Variants in CDH23 observed in about 807,000 individuals in gnomAD.
CDH23 encodes the protein cadherin related 23.
Under a neutral mutation model 317.1 loss-of-function variants are expected in CDH23, and 189 were observed. That is an observed-to-expected ratio of 0.60 (90% confidence interval 0.53 to 0.67). The LOEUF is 0.67. Ranked by LOEUF, CDH23 falls within the 30% of genes least tolerant of loss-of-function variation. The probability of loss-of-function intolerance (pLI) is 0.00; values close to 1 mark genes in which losing one functional copy is unlikely to be tolerated. For missense variants in CDH23, 4,401 were observed against 4,592.4 expected (o/e 0.96, Z 1.20); for synonymous variants, 1,839 against 1,876.8 (o/e 0.98, Z 0.52).
chr10:71,444,879 G>A (rs957068188), intron 2 of CDH23, among the ~76,000 whole-genome samples: 1 of 152,210 alleles, frequency 6.6e-6, no homozygotes, highest in Non-Finnish European at 1.5e-5. Context: ...GGCAGGTGCT[G>A]CACAATGACA....
At chr10:71,467,917 C>T (rs1383862229) in intron 3 of CDH23, among the ~76,000 whole-genome samples, 1 of 152,248 alleles carries the variant, frequency 6.6e-6, no homozygotes, top group Non-Finnish European at 1.5e-5. Flanking sequence ...ACTTCTCCCA[C>T]CCTGGCCTCC....
chr10:71,537,656 C>T (rs886917581), intron 6 of CDH23, among the ~76,000 whole-genome samples: 1 of 152,158 alleles, frequency 6.6e-6, no homozygotes, highest in African/African-American at 2.4e-5. Flanking sequence ...TCCTGCCTGT[C>T]CCATCAGTCC....
intron 14 of CDH23, among the ~76,000 whole-genome samples, chr10:71,666,723 C>T (rs1863914896): frequency 1.3e-5 from 2 of 152,130 alleles, no homozygotes; most frequent in Non-Finnish European, 1.5e-5. Context: ...AAAAGGGCCT[C>T]GGGGGCCCCA....
At chr10:71,532,245 C>A (rs916987072) in intron 6 of CDH23, among the ~76,000 whole-genome samples, 2 of 152,210 alleles carry the variant, frequency 1.3e-5, no homozygotes, top group African/African-American at 4.8e-5. Context: ...TGAACTTGTT[C>A]CTCTGTAGCT....
intron 14 of CDH23, among the ~76,000 whole-genome samples, chr10:71,667,105 C>T (rs1665630): frequency 0.43 from 65,253 of 152,132 alleles, 14,304 homozygotes; most frequent in South Asian, 0.57. Context: ...TTGCTGGGAC[C>T]CAGGGCTGCT....
chr10:71,401,197 G>A (rs150588210), intron 1 of CDH23, among the ~76,000 whole-genome samples: 457 of 152,306 alleles, frequency 3.0e-3, no homozygotes, highest in Non-Finnish European at 5.2e-3. Flanking sequence ...CTGCTCAGGA[G>A]TCGTCAACTC....
chr10:71,495,708 G>T (rs1055289026), intron 3 of CDH23, among the ~76,000 whole-genome samples: 1 of 151,124 alleles, frequency 6.6e-6, no homozygotes, highest in Admixed American at 6.6e-5. Context: ...GTGCAGTGGC[G>T]CACTTGTAGT....
chr10:71,604,379 C>G (rs377693939), intron 9 of CDH23, among the ~76,000 whole-genome samples: 1 of 152,244 alleles, frequency 6.6e-6, no homozygotes, highest in African/African-American at 2.4e-5. Flanking sequence ...GACCAACTCA[C>G]ATGAAGTGCT....
intron 2 of CDH23, among the ~76,000 whole-genome samples, chr10:71,441,249 T>TC (rs1157103170): frequency 1.3e-5 from 2 of 151,198 alleles, no homozygotes; most frequent in African/African-American, 2.4e-5. Context: ...CTCACCCCGC[T>TC]CCCCCCCTGC....
chr10:71,454,945 T>A (rs1850619413), intron 3 of CDH23, among the ~76,000 whole-genome samples: 2 of 151,490 alleles, frequency 1.3e-5, no homozygotes, highest in Admixed American at 6.6e-5. Context: ...ACTCAAGTGA[T>A]CCTCCCACCT....
intron 44 of CDH23, among the ~76,000 whole-genome samples, chr10:71,788,541 C>T (rs1358704657): frequency 2.0e-5 from 3 of 150,880 alleles, no homozygotes; most frequent in East Asian, 2.0e-4. Context: ...CTGCAAGCTC[C>T]GCCTCCTGGG....
intron 9 of CDH23, among the ~76,000 whole-genome samples, chr10:71,586,228 G>T (rs56175684): frequency 0.32 from 49,159 of 151,978 alleles, 8,604 homozygotes; most frequent in African/African-American, 0.44. Flanking sequence ...GTTTTGGTGG[G>T]CGATTCTGGT....
At chr10:71,731,180 G>A (rs1031016491) in intron 31 of CDH23, among the ~76,000 whole-genome samples, 3 of 152,188 alleles carry the variant, frequency 2.0e-5, no homozygotes, top group East Asian at 1.9e-4. Flanking sequence ...CCCTCCGTGC[G>A]GCCTGGGCTG....
In CDH23 at chr10:71,559,133, C is replaced by A. The variant is rs116278460; in HGVS notation, c.430-7609C>A. ...GAGCTTTTCCAGTGTTCTGAGATGC[C>A]GGCCTGAGCTTCAGCTCACCCGTCT... On this transcript the variant is annotated intron_variant, in intron 6 of 69. Coordinates refer to ENST00000224721, the MANE Select transcript of CDH23 (RefSeq NM_022124.6). Among the ~76,000 whole-genome samples the A allele has an allele frequency of 5.6e-3, 860 of 152,286 alleles. 9 individuals carry two copies. Among genetic ancestry groups the A allele is most frequent in the African/African-American group, 0.019 (791 of 41,546 alleles).
At chr10:71,790,115 G>A (rs1025614711) in intron 45 of CDH23, among the ~76,000 whole-genome samples, 173 bp from the exon 46 acceptor site, 4 of 152,268 alleles carry the variant, frequency 2.6e-5, no homozygotes, top group African/African-American at 7.2e-5. Context: ...AGGCATCTGC[G>A]TTCAGTCTGC....
At position 71,511,239 on chromosome 10, in the gene CDH23, G is replaced by A. The variant is rs751597927; in HGVS notation, c.429+27G>A. 6.9e-6 allele frequency: 11 copies of A among 1,585,322 alleles called. No homozygotes were observed. In the African/African-American group the frequency reaches 1.1e-4, roughly 16 times the overall value. On this transcript the variant is annotated intron_variant, in intron 6 of 69. Coordinates refer to ENST00000224721, the MANE Select transcript of CDH23 (RefSeq NM_022124.6). ...TAGGAGCCACTGGGGTTACCCTTGAGGGTATCAGAGACCTGCTGCTCCCCA... is the reference window on the plus strand; with the variant it reads ...TAGGAGCCACTGGGGTTACCCTTGAAGGTATCAGAGACCTGCTGCTCCCCA...
At position 71,656,875 on chromosome 10, in the gene CDH23, G is replaced by A. The variant is rs183912473; in HGVS notation, c.1449+10258G>A. Among the ~76,000 whole-genome samples the A allele has an allele frequency of 8.2e-4, 125 of 152,290 alleles. 1 individual carries two copies. Among genetic ancestry groups the A allele is most frequent in the African/African-American group, 3.0e-3 (124 of 41,560 alleles). On this transcript the variant is annotated intron_variant, in intron 14 of 69. Transcript: ENST00000224721. ...TGGGTAGCAAGTCTAGGAGAGCCCT[G>A]AGGATGGATCTCCTCGATGCTCCTC...
intron 24 of CDH23, among the ~76,000 whole-genome samples, chr10:71,702,964 G>A (rs1330802515): frequency 1.3e-5 from 2 of 152,196 alleles, no homozygotes; most frequent in South Asian, 2.1e-4. Context: ...TCTGGCCCAG[G>A]ACCTTGGACC....
intron 14 of CDH23, among the ~76,000 whole-genome samples, chr10:71,648,710 G>A (rs1863022520): frequency 2.6e-5 from 4 of 152,212 alleles, no homozygotes; most frequent in Admixed American, 2.0e-4. Flanking sequence ...CCTCAGGCTA[G>A]GTTTTTATCC....
Sources: allele counts gnomAD v4.1 joint callset (sites outside exome capture counted in the v4.1 genomes callset), GRCh38; gene constraint gnomAD v4.1.1; transcripts MANE v1.5; gene names NCBI Gene and HGNC (gene_info 2026-07-23, HGNC 2026-07-21).